The following GBE1 variants were observed in gnomAD, a reference collection of about 807,000 sequenced individuals.
GBE1 encodes the protein 1,4-alpha-glucan-branching enzyme.
A neutral mutation model predicts 88.8 loss-of-function variants in GBE1; 70 were observed. That is an observed-to-expected ratio of 0.79 (90% confidence interval 0.65 to 0.96). The LOEUF is 0.96. GBE1 is among the 40% of genes least tolerant of loss of function. GBE1 has a pLI of 0.00. For missense variants in GBE1, 872 were observed against 871.0 expected (o/e 1.00, Z -0.01); for synonymous variants, 284 against 300.1 (o/e 0.95, Z 0.56).
Position 81,727,580 on chromosome 3 carries a change from G to A in GBE1, c.144-21967C>T, listed in dbSNP as rs1278900915. ...GCACTGAACAAATTTCTGTAGTTAA[G>A]TGTTTACAATTAACTAATTATGAAT... On this transcript the variant is annotated intron_variant, in intron 1 of 15. Coordinates refer to ENST00000429644, the MANE Select transcript of GBE1 (RefSeq NM_000158.4). Among the ~76,000 whole-genome samples the A allele has an allele frequency of 1.3e-5, 2 of 152,190 alleles. 1 individual carries two copies. Among genetic ancestry groups the A allele is most frequent in the Non-Finnish European group, 2.9e-5 (2 of 68,034 alleles).
At chr3:81,721,495 T>G (rs892452015) in intron 1 of GBE1, among the ~76,000 whole-genome samples, 1 of 152,030 alleles carries the variant, frequency 6.6e-6, no homozygotes. Context: ...TTAAAACAAG[T>G]GAAATAGTGA....
intron 14 of GBE1, among the ~76,000 whole-genome samples, chr3:81,532,511 T>A (rs2106865530): frequency 6.6e-6 from 1 of 152,212 alleles, no homozygotes. Context: ...CTTTAGTTCA[T>A]GCCCTAATTA....
At chr3:81,700,701 T>G (rs1705674859) in intron 2 of GBE1, among the ~76,000 whole-genome samples, 2 of 152,024 alleles carry the variant, frequency 1.3e-5, no homozygotes, top group Admixed American at 6.6e-5. Flanking sequence ...GAAAAAAAAA[T>G]TATAGACAAA....
chr3:81,579,801 T>C (rs997402564), intron 11 of GBE1, among the ~76,000 whole-genome samples: 1 of 152,094 alleles, frequency 6.6e-6, no homozygotes, highest in African/African-American at 2.4e-5. Context: ...CAGCCCCAAT[T>C]TGGAAGATGC....
At position 81,541,177 on chromosome 3, in the gene GBE1, A is replaced by G. The variant is rs111245401; in HGVS notation, c.1619-4082T>C. 3.3e-5 allele frequency among the ~76,000 whole-genome samples: 5 copies of G among 152,056 alleles called. 1 individual carries two copies. Among genetic ancestry groups the G allele is most frequent in the African/African-American group, 1.2e-4 (5 of 41,488 alleles). The stretch of plus-strand genomic sequence containing the variant: ...TCTTGACTTTGTAGTGGAGTTTTCA[A>G]TAGTACAGAAATGAATGGTGAGTTT... On this transcript the variant is annotated intron_variant, in intron 12 of 15. Transcript: ENST00000429644.
intron 12 of GBE1, among the ~76,000 whole-genome samples, chr3:81,555,346 T>C (rs189591432): frequency 6.6e-6 from 1 of 152,218 alleles, no homozygotes; most frequent in East Asian, 1.9e-4. Context: ...ACTACCACCC[T>C]CCATATAGGT....
chr3:81,533,945 G>A (rs1405313561), intron 14 of GBE1, among the ~76,000 whole-genome samples: 1 of 152,032 alleles, frequency 6.6e-6, no homozygotes, highest in Non-Finnish European at 1.5e-5. Context: ...TGGGGAACTT[G>A]ATACTGTCAC....
intron 3 of GBE1, among the ~76,000 whole-genome samples, chr3:81,663,907 T>C (rs1705070152): frequency 6.6e-6 from 1 of 152,172 alleles, no homozygotes; most frequent in African/African-American, 2.4e-5. Flanking sequence ...TCATCATTAA[T>C]TAGTTCATGA....
chr3:81,656,361 A>G (rs75624214), intron 3 of GBE1, among the ~76,000 whole-genome samples: 6,112 of 152,220 alleles, frequency 0.04, 459 homozygotes, highest in East Asian at 0.35. Context: ...CGAGGATACT[A>G]GCGAAGGAAT....
At chr3:81,609,736 C>G (rs550339169) in intron 7 of GBE1, among the ~76,000 whole-genome samples, 6 of 152,192 alleles carry the variant, frequency 3.9e-5, no homozygotes, top group African/African-American at 1.4e-4. Flanking sequence ...TTGATTTATA[C>G]CTTTACAAAG....
chr3:81,528,286 A>G (rs541739240), intron 14 of GBE1, among the ~76,000 whole-genome samples: 2 of 151,818 alleles, frequency 1.3e-5, no homozygotes, highest in Admixed American at 1.3e-4. Context: ...ATGACGAGTT[A>G]ATGGGTGCAA....
chr3:81,616,705 A>C (rs1038963755), intron 7 of GBE1, among the ~76,000 whole-genome samples: 2 of 152,114 alleles, frequency 1.3e-5, no homozygotes, highest in Admixed American at 6.5e-5. Flanking sequence ...ATTTTGAAAT[A>C]ATCTCTATGT....
intron 2 of GBE1, among the ~76,000 whole-genome samples, chr3:81,695,513 T>C (rs1298910482): frequency 6.6e-6 from 1 of 152,192 alleles, no homozygotes; most frequent in Non-Finnish European, 1.5e-5. Context: ...TAGAACTAAC[T>C]ACTAACAGGT....
At chr3:81,609,553 T>C (rs1559661673) in intron 7 of GBE1, among the ~76,000 whole-genome samples, 2 of 152,104 alleles carry the variant, frequency 1.3e-5, no homozygotes, top group Non-Finnish European at 2.9e-5. Flanking sequence ...CCTAGGATTT[T>C]GGGGGTTTTT....
chr3:81,594,835 T>G (rs1703934873), intron 7 of GBE1, among the ~76,000 whole-genome samples: 1 of 152,014 alleles, frequency 6.6e-6, no homozygotes, highest in African/African-American at 2.4e-5. Context: ...TTTTCTTTAG[T>G]CATATAGTTA....
At chr3:81,575,932 G>T (rs1028689165) in intron 12 of GBE1, among the ~76,000 whole-genome samples, 6 of 152,050 alleles carry the variant, frequency 3.9e-5, no homozygotes, top group Admixed American at 2.0e-4. Flanking sequence ...TTGGTATAAG[G>T]TTCCTCATCA....
chr3:81,533,903 C>A (rs1703040941), intron 14 of GBE1, among the ~76,000 whole-genome samples: 1 of 151,440 alleles, frequency 6.6e-6, no homozygotes, highest in South Asian at 2.1e-4. Flanking sequence ...ACATTGCTGG[C>A]ACCCTGAGAA....
intron 12 of GBE1, among the ~76,000 whole-genome samples, chr3:81,566,565 T>C (rs548257679): frequency 1.3e-5 from 2 of 152,318 alleles, no homozygotes; most frequent in South Asian, 4.1e-4. Flanking sequence ...CTAACGAACA[T>C]GCAATATTAC....
chr3:81,631,105 T>C (rs558303950), intron 7 of GBE1, among the ~76,000 whole-genome samples: 5 of 152,008 alleles, frequency 3.3e-5, no homozygotes, highest in Admixed American at 3.3e-4. Flanking sequence ...TCAGTAGGCT[T>C]AGGTGGGAGG....
Sources: allele counts gnomAD v4.1 joint callset (sites outside exome capture counted in the v4.1 genomes callset), GRCh38; gene constraint gnomAD v4.1.1; transcripts MANE v1.5; gene names NCBI Gene and HGNC (gene_info 2026-07-23, HGNC 2026-07-21).